The following RANBP2 variants were observed in gnomAD, a reference collection of about 807,000 sequenced individuals.
The protein encoded by RANBP2 is RAN binding protein 2.
RANBP2 carries 57 observed loss-of-function variants against 303.6 expected under a neutral mutation model. The ratio of observed to expected loss-of-function variants is 0.19; its 90% CI spans 0.15 to 0.23. RANBP2 has a LOEUF of 0.23. RANBP2 is among the 10% of genes least tolerant of loss of function. RANBP2 has a pLI of 1.00. For synonymous variants in RANBP2, 1,167 were observed against 1,301.5 expected (o/e 0.90, Z 2.23); for missense variants, 3,138 against 3,780.8 (o/e 0.83, Z 4.46).
At chr2:109,490,793 G>T in the RANBP2 span, 1 of 1,536,978 alleles carries the variant, frequency 6.5e-7, no homozygotes, top group Non-Finnish European at 8.7e-7. Context: ...GCCCCATAGA[G>T]AGCGAGATGC....
At chr2:109,589,377 AC>A in the RANBP2 span, among the ~76,000 whole-genome samples, 1 of 152,094 alleles carries the variant, frequency 6.6e-6, no homozygotes, top group East Asian at 1.9e-4. Flanking sequence ...TACCAGAAAT[AC>A]AAAAATAGCT....
At chr2:109,149,790 G>A in the RANBP2 span, among the ~76,000 whole-genome samples, 76 of 152,336 alleles carry the variant, frequency 5.0e-4, no homozygotes, top group Middle Eastern at 6.8e-3. Context: ...TAGCTACAGT[G>A]GAGATGCTTT....
chr2:108,744,939 G>GAAAGAAGGAGGAA (rs1696399213), intron 7 of RANBP2, among the ~76,000 whole-genome samples: 1 of 152,082 alleles, frequency 6.6e-6, no homozygotes, highest in South Asian at 2.1e-4. Flanking sequence ...GAAAACATTT[G>GAAAGAAGGAGGAA]AACATTGCAT....
chr2:109,614,175 C>A, the RANBP2 span: 2 of 1,173,204 alleles, frequency 1.7e-6, no homozygotes, highest in Admixed American at 4.5e-5. Flanking sequence ...AACTGCGGAG[C>A]AGTGATTGCG....
At chr2:109,739,906 T>G in the RANBP2 span, among the ~76,000 whole-genome samples, 1 of 122,560 alleles carries the variant, frequency 8.2e-6, no homozygotes, top group African/African-American at 3.6e-5. Flanking sequence ...CTATACCCAG[T>G]TTTTTTTTTT....
At chr2:109,495,789 C>T in the RANBP2 span, among the ~76,000 whole-genome samples, 1 of 152,126 alleles carries the variant, frequency 6.6e-6, no homozygotes. Flanking sequence ...CTGCACCTGG[C>T]CCCCTTTCTT....
the RANBP2 span, among the ~76,000 whole-genome samples, chr2:108,951,395 T>C: frequency 6.6e-6 from 1 of 152,212 alleles, no homozygotes; most frequent in Non-Finnish European, 1.5e-5. Flanking sequence ...TCCAAGGTCA[T>C]ACAGGAATTC....
At chr2:109,619,509 A>T in the RANBP2 span, among the ~76,000 whole-genome samples, 1 of 152,178 alleles carries the variant, frequency 6.6e-6, no homozygotes, top group Non-Finnish European at 1.5e-5. Context: ...AGCAAAATTC[A>T]ACTCTGTTGA....
the RANBP2 span, among the ~76,000 whole-genome samples, chr2:109,256,224 C>G: frequency 3.9e-5 from 6 of 152,204 alleles, no homozygotes; most frequent in Admixed American, 2.6e-4. Context: ...GAAGACCCCA[C>G]AGTTGGAGAG....
At chr2:109,633,365 C>G in the RANBP2 span, among the ~76,000 whole-genome samples, 33,004 of 151,952 alleles carry the variant, frequency 0.22, 4,027 homozygotes, top group Admixed American at 0.34. Flanking sequence ...TGCCCTCCAG[C>G]CTGGGTGACA....
At chr2:108,831,718 T>TTCCTTCCTTCCTTCCTTCCTTCCTTCCG in the RANBP2 span, among the ~76,000 whole-genome samples, 1 of 151,712 alleles carries the variant, frequency 6.6e-6, no homozygotes, top group South Asian at 2.1e-4. Context: ...CCTTCCTTCC[T>TTCCTTCCTTCCTTCCTTCCTTCCTTCCG]TCCTTCCTTC....
At chr2:109,640,060 C>T in the RANBP2 span, among the ~76,000 whole-genome samples, 1 of 151,862 alleles carries the variant, frequency 6.6e-6, no homozygotes, top group Non-Finnish European at 1.5e-5. Flanking sequence ...TCCTTCTCCG[C>T]AAAGCTGTGA....
chr2:109,732,918 C>A, the RANBP2 span: 1 of 768,140 alleles, frequency 1.3e-6, no homozygotes, highest in Non-Finnish European at 2.3e-6. Context: ...CTATGTGGCC[C>A]CTGTGTAGGA....
At chr2:108,757,099 A>G (rs1173916485) in intron 17 of RANBP2, among the ~76,000 whole-genome samples, 1 of 152,190 alleles carries the variant, frequency 6.6e-6, no homozygotes, top group African/African-American at 2.4e-5. Flanking sequence ...CCCTGACCTC[A>G]CTTGTTAGAA....
chr2:109,635,625 A>G, the RANBP2 span, among the ~76,000 whole-genome samples: 12 of 152,376 alleles, frequency 7.9e-5, 1 homozygote, highest in East Asian at 2.3e-3. Flanking sequence ...GAGCTGAGCC[A>G]TAACTGGGTT....
the RANBP2 span, among the ~76,000 whole-genome samples, chr2:109,691,528 C>T: frequency 6.6e-6 from 1 of 152,078 alleles, no homozygotes; most frequent in Non-Finnish European, 1.5e-5. Flanking sequence ...GCTTCAGGGG[C>T]CAGGCTAGGT....
the RANBP2 span, among the ~76,000 whole-genome samples, chr2:109,006,890 A>ATGAGTTT: frequency 6.6e-6 from 1 of 152,376 alleles, no homozygotes; most frequent in African/African-American, 2.4e-5. Flanking sequence ...AAGACGGGTT[A>ATGAGTTT]TGAGTGAAAA....
chr2:108,775,944 T>C lies in RANBP2; in HGVS notation c.8497+8T>C, dbSNP rs1018500870. On this transcript the variant is annotated splice_region_variant and intron_variant, in intron 24 of 28. Coordinates refer to ENST00000283195, the MANE Select transcript of RANBP2 (RefSeq NM_006267.5). ...CAGATTCTACAAGCCAAGGTAAATC[T>C]TGATATATGTTTATCATGTGTTACA... The C allele has an allele frequency of 3.8e-6, 6 of 1,599,218 alleles. No individual in the cohort carries two copies. The Admixed American group carries it at 1.0e-4, about 27-fold the overall frequency.
chr2:109,078,913 C>T, the RANBP2 span, among the ~76,000 whole-genome samples: 2 of 151,838 alleles, frequency 1.3e-5, no homozygotes, highest in African/African-American at 4.8e-5. Flanking sequence ...ATGGCATGAA[C>T]CCGGGAGGCG....
Sources: allele counts gnomAD v4.1 joint callset (sites outside exome capture counted in the v4.1 genomes callset), GRCh38; gene constraint gnomAD v4.1.1; transcripts MANE v1.5; gene names NCBI Gene and HGNC (gene_info 2026-07-23, HGNC 2026-07-21).